MARK2: variants seen among roughly 807,000 people sequenced by gnomAD.
MARK2 encodes the protein serine/threonine-protein kinase MARK2.
In MARK2, 16 loss-of-function variants were observed where a neutral mutation model predicts 89.8. The ratio of observed to expected loss-of-function variants is 0.18; its 90% CI spans 0.12 to 0.27. The LOEUF is 0.27. Among genes scored for constraint, MARK2 ranks in the 10% least tolerant of loss-of-function variants. The pLI is 1.00. For missense variants in MARK2, 621 were observed against 1,049.9 expected (o/e 0.59, Z 5.65); for synonymous variants, 382 against 399.5 (o/e 0.96, Z 0.52).
chr11:63,860,983 C>T (rs1937736398), intron 1 of MARK2, among the ~76,000 whole-genome samples: 1 of 152,182 alleles, frequency 6.6e-6, no homozygotes, highest in Non-Finnish European at 1.5e-5. Flanking sequence ...CATAGAGGAT[C>T]ATAGCTCCAT....
intron 1 of MARK2, among the ~76,000 whole-genome samples, chr11:63,841,188 C>A (rs1032628256): frequency 3.9e-5 from 6 of 152,200 alleles, no homozygotes; most frequent in African/African-American, 1.4e-4. Flanking sequence ...TATTCTCTTG[C>A]ATGTGAACAT....
At chr11:63,872,174 A>G (rs1260941352) in intron 1 of MARK2, among the ~76,000 whole-genome samples, 3 of 152,200 alleles carry the variant, frequency 2.0e-5, no homozygotes, top group Non-Finnish European at 4.4e-5. Context: ...CTGTCACTAA[A>G]CAGCACCTCT....
intron 1 of MARK2, among the ~76,000 whole-genome samples, chr11:63,853,844 C>CTTAT (rs948654707): frequency 8.5e-4 from 128 of 151,330 alleles, no homozygotes; most frequent in African/African-American, 2.9e-3. Context: ...TTTTTATTTA[C>CTTAT]TTATTTATTT....
intron 1 of MARK2, among the ~76,000 whole-genome samples, chr11:63,890,591 G>C (rs1939762574): frequency 6.6e-6 from 1 of 152,182 alleles, no homozygotes; most frequent in African/African-American, 2.4e-5. Context: ...ATTTCACCAG[G>C]TCTGGAGGAG....
chr11:63,870,305 C>G (rs772450501), intron 1 of MARK2, among the ~76,000 whole-genome samples: 4 of 152,166 alleles, frequency 2.6e-5, no homozygotes, highest in Admixed American at 6.5e-5. Context: ...AAATCCTAGG[C>G]TCAAGTGATC....
In MARK2 at chr11:63,901,473, CTTTTTT is replaced by C. The variant is rs35231498; in HGVS notation, c.1101+421_1101+426del. On this transcript the variant is annotated intron_variant, in intron 11 of 18. Transcript: ENST00000402010. Reference sequence around the variant, plus strand: ...TCTGATCGGAAGTTTGAGTCTGTTGCTTTTTTTTTTTTTTTTTTTTTTGAGACGGAA... The same window carrying C: ...TCTGATCGGAAGTTTGAGTCTGTTGCTTTTTTTTTTTTTTTTGAGACGGAA... 5.2e-5 allele frequency among the ~76,000 whole-genome samples: 3 copies of C among 57,698 alleles called. 1 individual carries two copies. Among genetic ancestry groups the C allele is most frequent in the East Asian group, 1.3e-3 (2 of 1,498 alleles). The allele number at this position is 57,698 out of a possible 152,430, so 37.9% of individuals were successfully genotyped here.
intron 1 of MARK2, among the ~76,000 whole-genome samples, chr11:63,858,315 CCTGTAATATAATTTTACATG>C (rs2016968580): frequency 6.6e-6 from 1 of 151,884 alleles, no homozygotes. Flanking sequence ...TGTGCCTGGC[CCTGTAATATAATTTTACATG>C]AGTTAATAGT....
intron 11 of MARK2, among the ~76,000 whole-genome samples, chr11:63,901,839 T>G (rs1940917806): frequency 6.6e-6 from 1 of 152,066 alleles, no homozygotes; most frequent in African/African-American, 2.4e-5. Context: ...CCTGCCCTGC[T>G]CTCCCTCTGG....
Position 63,908,990 on chromosome 11 carries a change from C to G in MARK2, c.2120C>G (p.Pro707Arg). ...WSMKTTSSMEPNEMMREIRKV... is the reference protein window; with the variant it reads ...WSMKTTSSMERNEMMREIRKV... ...ATGAAGACCACGAGCTCCATGGAGC[C>G]CAACGAGATGATGCGGGAGATCCGC... is the stretch of plus-strand genomic sequence containing the variant. Residue 707 changes from proline to arginine, a missense_variant, in exon 19 of 19, where the codon CCC (proline) becomes CGC (arginine). By Grantham distance (103) the Pro-to-Arg change is moderately radical (BLOSUM62 -2). Transcript: ENST00000402010. 1 of 1,577,804 alleles carries G rather than the reference C, an allele frequency of 6.3e-7. No homozygotes were observed. Among genetic ancestry groups the G allele is most frequent in the Non-Finnish European group, 8.7e-7 (1 of 1,152,192 alleles).
chr11:63,898,113 T>G (rs1940567390), intron 3 of MARK2, 119 bp from the exon 4 acceptor site: 2 of 809,292 alleles, frequency 2.5e-6, no homozygotes, highest in African/African-American at 1.7e-5. Context: ...AACCACCCTA[T>G]TTTCTTTTCC....
intron 1 of MARK2, among the ~76,000 whole-genome samples, chr11:63,875,623 A>C (rs904827839): frequency 1.3e-5 from 2 of 152,186 alleles, no homozygotes; most frequent in Non-Finnish European, 2.9e-5. Context: ...TCCTGTCTGC[A>C]GGGGCCCAGG....
intron 1 of MARK2, among the ~76,000 whole-genome samples, chr11:63,891,309 A>G (rs747684933): frequency 6.6e-6 from 1 of 152,204 alleles, no homozygotes; most frequent in Non-Finnish European, 1.5e-5. Flanking sequence ...TGACAGATTT[A>G]GGATTTGAAA....
At chr11:63,847,249 C>A (rs936923626) in intron 1 of MARK2, among the ~76,000 whole-genome samples, 1 of 152,200 alleles carries the variant, frequency 6.6e-6, no homozygotes, top group Non-Finnish European at 1.5e-5. Flanking sequence ...GCAAAAAGGG[C>A]AAAAGTAAAT....
intron 18 of MARK2, 57 bp from the exon 19 acceptor site, chr11:63,908,820 C>T (rs991606523): frequency 2.1e-6 from 3 of 1,413,754 alleles, no homozygotes; most frequent in Admixed American, 2.8e-5. Context: ...CAGGGTGGCT[C>T]TCCTGGGGTG....
rs1037711249 is a variant in MARK2 at position 63,902,049 on chromosome 11, G to A, written c.1102-149G>A. The A allele has an allele frequency of 1.4e-6, 1 of 734,824 alleles. No individual in the cohort carries two copies. Among genetic ancestry groups the A allele is most frequent in the South Asian group, 1.8e-5 (1 of 54,470 alleles). 45.5% of individuals were successfully genotyped at this position (734,824 alleles called of 1,614,324 possible). The stretch of plus-strand genomic sequence containing the variant: ...TGTGTGTCTCCAGGGTCTCCTCCAG[G>A]GGGGATGTATTGGTCTTACAAGTGG... On this transcript the variant is annotated intron_variant, in intron 11 of 18. Transcript: ENST00000402010. This position sits in a 1 kb window ranked among gnomAD's most constrained non-coding sequence, Gnocchi z 4.2.
At chr11:63,848,082 T>C (rs10897452) in intron 1 of MARK2, among the ~76,000 whole-genome samples, 74,469 of 152,092 alleles carry the variant, frequency 0.49, 20,561 homozygotes, top group East Asian at 0.89. Flanking sequence ...CCGGTCACCA[T>C]GTGTGCTGAC....
At position 63,909,510 on chromosome 11, in the gene MARK2, G is replaced by T; in HGVS notation, c.*273G>T. ...AAGGGGAGGGTGGATGGGGGGGCAG[G>T]GCTCCCCCTCGGTACTGCGGTTGCA... is the stretch of plus-strand genomic sequence containing the variant. On this transcript the variant is annotated 3_prime_UTR_variant, in exon 19 of 19. Coordinates refer to ENST00000402010, the MANE Select transcript of MARK2 (RefSeq NM_001039469.3). 1 of 360,632 alleles carries T rather than the reference G, an allele frequency of 2.8e-6. No homozygotes were observed. The highest frequency in any genetic ancestry group is 5.0e-6 in the Non-Finnish European group (1 of 199,876). 22.3% of individuals were successfully genotyped at this position (360,632 alleles called of 1,614,324 possible). A position where few individuals can be genotyped will look rare whatever the true frequency, so the allele number is the denominator to read the frequency against.
intron 1 of MARK2, among the ~76,000 whole-genome samples, chr11:63,888,015 C>T (rs1939506818): frequency 6.6e-6 from 1 of 152,078 alleles, no homozygotes; most frequent in Non-Finnish European, 1.5e-5. Context: ...ATGATTTTTT[C>T]ATTGATAGAA....
Position 63,910,934 on chromosome 11 carries a change from C to A in MARK2, c.*1697C>A, listed in dbSNP as rs1280647898. On this transcript the variant is annotated 3_prime_UTR_variant, in exon 19 of 19. Transcript: ENST00000402010. ...CCGGGGCACCCAGGCAAGGTGGCCC[C>A]TCCCCGTCTAGCCCCCTCCTCCCCA... 1 of 152,342 alleles carries A rather than the reference C, an allele frequency of 6.6e-6. No homozygotes were observed. Among genetic ancestry groups the A allele is most frequent in the African/African-American group, 2.4e-5 (1 of 41,460 alleles). 9.4% of individuals were successfully genotyped at this position (152,342 alleles called of 1,614,324 possible). A position where few individuals can be genotyped will look rare whatever the true frequency, so the allele number is the denominator to read the frequency against.
Sources: allele counts gnomAD v4.1 joint callset (sites outside exome capture counted in the v4.1 genomes callset), GRCh38; gene constraint gnomAD v4.1.1; non-coding constraint Gnocchi (gnomAD v3.1); transcripts MANE v1.5; gene names NCBI Gene and HGNC (gene_info 2026-07-23, HGNC 2026-07-21).